ARHGAP12: variants seen among roughly 807,000 people sequenced by gnomAD.
ARHGAP12 encodes Rho GTPase activating protein 12, also known as rho GTPase-activating protein 12.
Under a neutral mutation model 108.6 loss-of-function variants are expected in ARHGAP12, and 64 were observed. The observed-to-expected ratio is 0.59, with a 90% confidence interval of 0.48 to 0.73. The LOEUF is 0.73. ARHGAP12 is among the 30% of genes least tolerant of loss of function. ARHGAP12 has a pLI of 0.00. For synonymous variants in ARHGAP12, 312 were observed against 337.2 expected, an observed-to-expected ratio of 0.93 and a Z score of 0.82; for missense variants, 940 against 1,005.9, an observed-to-expected ratio of 0.93 and a Z score of 0.89.
intron 7 of ARHGAP12, among the ~76,000 whole-genome samples, chr10:31,840,365 T>A (rs1471326977): frequency 6.6e-6 from 1 of 151,890 alleles, no homozygotes; most frequent in Non-Finnish European, 1.5e-5. Flanking sequence ...GTTTTTTTTT[T>A]AAGCAGTCTG....
intron 1 of ARHGAP12, among the ~76,000 whole-genome samples, chr10:31,920,449 C>CAAAAAAA (rs71027040): frequency 2.0e-3 from 117 of 59,336 alleles, no homozygotes; most frequent in Admixed American, 2.4e-3. Flanking sequence ...GACTCCGTCT[C>CAAAAAAA]AAAAAAAAAA....
chr10:31,819,718 T>C (rs1835338812), intron 12 of ARHGAP12, among the ~76,000 whole-genome samples: 1 of 152,090 alleles, frequency 6.6e-6, no homozygotes, highest in Admixed American at 6.5e-5. Flanking sequence ...ATACTAGCCA[T>C]GAGGTCACTT....
chr10:31,911,539 C>A (rs757955693), intron 1 of ARHGAP12, among the ~76,000 whole-genome samples: 2 of 152,130 alleles, frequency 1.3e-5, no homozygotes, highest in Non-Finnish European at 2.9e-5. Context: ...GTCTTAAACT[C>A]CTGGGCTCAT....
chr10:31,821,979 C>T (rs2808105), intron 11 of ARHGAP12, among the ~76,000 whole-genome samples: 77,955 of 151,886 alleles, frequency 0.51, 20,299 homozygotes, highest in African/African-American at 0.58. Context: ...TTATTGTCAT[C>T]ATACACGCTG....
intron 1 of ARHGAP12, among the ~76,000 whole-genome samples, chr10:31,921,003 A>G (rs551009982): frequency 4.7e-4 from 71 of 152,326 alleles, no homozygotes; most frequent in Admixed American, 1.3e-3. Flanking sequence ...CAGGCTGGAC[A>G]AGGTGGCTCA....
intron 3 of ARHGAP12, among the ~76,000 whole-genome samples, chr10:31,895,697 T>C (rs1838653288): frequency 1.3e-5 from 2 of 152,202 alleles, no homozygotes; most frequent in African/African-American, 2.4e-5. Context: ...CTCAAGGATC[T>C]AGAACTAGAA....
At chr10:31,874,592 C>CTCTT (rs1837655061) in intron 3 of ARHGAP12, among the ~76,000 whole-genome samples, 1 of 151,918 alleles carries the variant, frequency 6.6e-6, no homozygotes, top group South Asian at 2.1e-4. Context: ...TATACCAAGG[C>CTCTT]AAGAAATACC....
intron 10 of ARHGAP12, among the ~76,000 whole-genome samples, chr10:31,827,834 A>C (rs1470217299): frequency 6.6e-6 from 1 of 151,476 alleles, no homozygotes; most frequent in Non-Finnish European, 1.5e-5. Context: ...CCTCTAAAGG[A>C]GGTTTATTTT....
rs539147048 is a variant in ARHGAP12 at position 31,826,358 on chromosome 10, C to T, written c.1476G>A (p.Val492=). Residue 492 remains valine (V), a synonymous_variant, in exon 11 of 20, where the codon GTG becomes GTA. Transcript: ENST00000344936. ...VRKNWLSSWA[V]LQGSSLLFTK... ...TAAAAAGTAAAGATGAACCCTGCAA[C>T]ACCGCCCAAGAAGACAACCAGTTCT... The T allele has an allele frequency of 6.2e-7, 1 of 1,612,304 alleles. No homozygotes were observed. Among genetic ancestry groups the T allele is most frequent in the East Asian group, 2.2e-5 (1 of 44,808 alleles).
chr10:31,851,609 A>T (rs1836682014), intron 6 of ARHGAP12, among the ~76,000 whole-genome samples: 1 of 152,316 alleles, frequency 6.6e-6, no homozygotes, highest in South Asian at 2.1e-4. Flanking sequence ...CATCCTACCC[A>T]TATCAAGCCT....
In ARHGAP12 at chr10:31,908,837, TTC is replaced by T. The variant is rs1839243117; in HGVS notation, c.17_18del (p.Arg6LysfsTer12). 6.3e-7 allele frequency: 1 copy of T among 1,593,818 alleles called. No individual in the cohort carries two copies. The highest frequency in any genetic ancestry group is 8.5e-7 in the Non-Finnish European group (1 of 1,174,542). On this transcript the variant is annotated frameshift_variant, in exon 3 of 20. Transcript: ENST00000344936. LOFTEE classifies it high-confidence loss of function. MKMAD[R>X]SGKIIPGQVY... ...ACTTGTCCTGGAATAATCTTCCCAC[TTC>T]TGTCAGCCATTTTCATTCAATAATA...
intron 3 of ARHGAP12, among the ~76,000 whole-genome samples, chr10:31,900,169 T>C (rs1838860761): frequency 6.6e-6 from 1 of 152,174 alleles, no homozygotes; most frequent in African/African-American, 2.4e-5. Flanking sequence ...AATGAGATAC[T>C]TTACATGTAT....
At chr10:31,904,653 G>A (rs1839054780) in intron 3 of ARHGAP12, among the ~76,000 whole-genome samples, 1 of 152,104 alleles carries the variant, frequency 6.6e-6, no homozygotes, top group Non-Finnish European at 1.5e-5. Context: ...TTGAGACAGG[G>A]TCTCACTCTG....
intron 5 of ARHGAP12, 96 bp downstream of exon 5, chr10:31,853,970 T>C: frequency 8.0e-7 from 1 of 1,256,562 alleles, no homozygotes; most frequent in Non-Finnish European, 1.1e-6. Context: ...AATATTTTCA[T>C]GAGTTTTTTC....
In ARHGAP12 at chr10:31,865,208, G is replaced by A. The variant is rs77919763; in HGVS notation, c.685-3550C>T. 9.1e-3 allele frequency among the ~76,000 whole-genome samples: 1,379 copies of A among 152,242 alleles called. 20 individuals carry two copies. The highest frequency in any genetic ancestry group is 0.031 in the African/African-American group (1,289 of 41,534). On this transcript the variant is annotated intron_variant, in intron 3 of 19. Transcript: ENST00000344936. ...AAGATTAAGCCAGGAAGTGCATTCT[G>A]ATTTAAATTTTTAAAATATTACAGA...
chr10:31,880,118 A>G (rs1837881937), intron 3 of ARHGAP12, among the ~76,000 whole-genome samples: 1 of 152,264 alleles, frequency 6.6e-6, no homozygotes, highest in African/African-American at 2.4e-5. Context: ...TGCTCAATAA[A>G]TATTAAATGA....
At chr10:31,865,607 G>A (rs1837292579) in intron 3 of ARHGAP12, among the ~76,000 whole-genome samples, 1 of 152,002 alleles carries the variant, frequency 6.6e-6, no homozygotes, top group Admixed American at 6.5e-5. Context: ...CAGGCGCGGC[G>A]ACTCACGCCT....
chr10:31,907,634 A>T (rs1592368627), intron 3 of ARHGAP12, among the ~76,000 whole-genome samples: 1 of 73,320 alleles, frequency 1.4e-5, no homozygotes, highest in Non-Finnish European at 3.1e-5. Context: ...ACCTTGTCTT[A>T]AAAAAAAAAA....
At chr10:31,887,987 C>A (rs969061065) in intron 3 of ARHGAP12, among the ~76,000 whole-genome samples, 3 of 152,072 alleles carry the variant, frequency 2.0e-5, no homozygotes, top group African/African-American at 7.2e-5. Context: ...ACATAGAATT[C>A]CTCTCTACTC....
Sources: allele counts gnomAD v4.1 joint callset (sites outside exome capture counted in the v4.1 genomes callset), GRCh38; gene constraint gnomAD v4.1.1; transcripts MANE v1.5; gene names NCBI Gene and HGNC (gene_info 2026-07-23, HGNC 2026-07-21).